Variants in KCNK10 observed in about 807,000 individuals in gnomAD.
KCNK10 encodes the protein potassium channel subfamily K member 10.
A neutral mutation model predicts 47.7 loss-of-function variants in KCNK10; 25 were observed. The ratio of observed to expected loss-of-function variants is 0.52; its 90% CI spans 0.38 to 0.73. The LOEUF is 0.73. Among genes scored for constraint, KCNK10 ranks in the 30% least tolerant of loss-of-function variants. The pLI, the probability that KCNK10 is intolerant of heterozygous loss-of-function variation, is 0.00. For missense variants in KCNK10, 563 were observed against 714.5 expected, an observed-to-expected ratio of 0.79 and a Z score of 2.42; for synonymous variants, 303 against 285.6, an observed-to-expected ratio of 1.06 and a Z score of -0.61.
Position 88,186,412 on chromosome 14 carries a change from G to A in KCNK10, c.1012-257C>T, listed in dbSNP as rs1884563330. 6.6e-6 allele frequency among the ~76,000 whole-genome samples: 1 copy of A among 152,160 alleles called. No individual in the cohort carries two copies. The highest frequency in any genetic ancestry group is 1.9e-4 in the East Asian group (1 of 5,176). ...CCAAGAAGCCTCAGATTTGGAGATG[G>A]TGACTTAAAGAGAGGGGGACGGCAT... On this transcript the variant is annotated intron_variant, in intron 6 of 6. Coordinates refer to ENST00000319231, the MANE Select transcript of KCNK10 (RefSeq NM_138317.3). This position sits in a 1 kb window ranked among gnomAD's most constrained non-coding sequence, Gnocchi z 5.5.
rs562901089 is a variant in KCNK10, at chr14:88,267,464, G to A, written c.53-3913C>T. The stretch of plus-strand genomic sequence containing the variant: ...CGGCTCACTGCAACCTCCACCTCCC[G>A]GGTTCAAGCTACTCTCCTGCCTCAG... On this transcript the variant is annotated intron_variant, in intron 1 of 6. Coordinates refer to ENST00000319231, the MANE Select transcript of KCNK10 (RefSeq NM_138317.3). 1.6e-3 allele frequency among the ~76,000 whole-genome samples: 237 copies of A among 151,242 alleles called. 1 individual carries two copies. Among genetic ancestry groups the A allele is most frequent in the African/African-American group, 5.5e-3 (228 of 41,182 alleles).
rs1469883171 is a variant in KCNK10, at chr14:88,183,337, A to G, written c.*2198T>C. On this transcript the variant is annotated 3_prime_UTR_variant, in exon 7 of 7. Transcript: ENST00000319231. ...GATAAATGAGAGGGAAGCCTCTGCCAGATTTGGCCGTAGGGCCTGGAATTT... is the reference window on the plus strand; with the variant it reads ...GATAAATGAGAGGGAAGCCTCTGCCGGATTTGGCCGTAGGGCCTGGAATTT... 2 of 152,380 alleles carry G rather than the reference A, an allele frequency of 1.3e-5. No individual in the cohort carries two copies. Among genetic ancestry groups the G allele is most frequent in the African/African-American group, 4.8e-5 (2 of 41,476 alleles). The allele number at this position is 152,380 out of a possible 1,614,324, so 9.4% of individuals were successfully genotyped here.
At chr14:88,196,180 T>C (rs759002978) in intron 4 of KCNK10, among the ~76,000 whole-genome samples, 17 of 152,214 alleles carry the variant, frequency 1.1e-4, no homozygotes, top group Admixed American at 2.6e-4. Flanking sequence ...CCGTATCTGA[T>C]TGATACAAAC....
chr14:88,223,712 T>C (rs1035902116), intron 4 of KCNK10, among the ~76,000 whole-genome samples: 1 of 152,198 alleles, frequency 6.6e-6, no homozygotes, highest in African/African-American at 2.4e-5. Flanking sequence ...GCGTTTTTGT[T>C]TGTTTGTTTG....
chr14:88,237,170 G>T (rs937080841), intron 3 of KCNK10, among the ~76,000 whole-genome samples: 5 of 152,178 alleles, frequency 3.3e-5, no homozygotes, highest in Non-Finnish European at 7.3e-5. Flanking sequence ...TACCAGGCAG[G>T]AGCAGATTCC....
intron 3 of KCNK10, among the ~76,000 whole-genome samples, chr14:88,232,986 C>T (rs536482881): frequency 1.3e-5 from 2 of 152,314 alleles, no homozygotes; most frequent in African/African-American, 2.4e-5. Flanking sequence ...AAGATGATGA[C>T]AGATGGCAGC....
intron 1 of KCNK10, among the ~76,000 whole-genome samples, chr14:88,267,604 T>C (rs564100783): frequency 6.6e-6 from 1 of 152,260 alleles, no homozygotes; most frequent in South Asian, 2.1e-4. Context: ...GCTCCTGACC[T>C]CAGGTGATCT....
intron 1 of KCNK10, chr14:88,270,624 T>C (rs565335742): frequency 2.6e-6 from 2 of 758,758 alleles, no homozygotes; most frequent in South Asian, 1.4e-5. Flanking sequence ...TATGGAGCCA[T>C]GAGAAGAGGA....
Position 88,186,375 on chromosome 14 carries a change from T to C in KCNK10, c.1012-220A>G, listed in dbSNP as rs1175405566. 6.6e-6 allele frequency among the ~76,000 whole-genome samples: 1 copy of C among 152,162 alleles called. No homozygotes were observed. The highest frequency in any genetic ancestry group is 1.9e-4 in the East Asian group (1 of 5,152). On this transcript the variant is annotated intron_variant, in intron 6 of 6. Transcript: ENST00000319231. This position sits in a 1 kb window ranked among gnomAD's most constrained non-coding sequence, Gnocchi z 5.5. The stretch of plus-strand genomic sequence containing the variant: ...ATAAGGTGGCTCAGGGAGACACACG[T>C]GGTGGGCAACCCCAAGAAGCCTCAG...
intron 2 of KCNK10, among the ~76,000 whole-genome samples, chr14:88,255,101 C>T (rs1348015594): frequency 6.6e-6 from 1 of 152,148 alleles, no homozygotes; most frequent in Non-Finnish European, 1.5e-5. Flanking sequence ...ACACAATATT[C>T]CCCACGTGGA....
chr14:88,190,749 C>T (rs369945337), intron 5 of KCNK10, among the ~76,000 whole-genome samples: 11 of 152,210 alleles, frequency 7.2e-5, no homozygotes, highest in Middle Eastern at 3.4e-3. Context: ...CTTTGTCTGC[C>T]CAATTGGAAG....
In KCNK10 at chr14:88,263,510, C is replaced by A; in HGVS notation, c.94G>T (p.Ala32Ser). The change falls in exon 2 of 7, where the codon GCC (alanine) becomes TCC (serine). Residue 32 changes from alanine to serine, a missense_variant. Coordinates refer to ENST00000319231, the MANE Select transcript of KCNK10 (RefSeq NM_138317.3). ...GGAGCCGGGGGTTGCCCGTTAGTGG[C>A]GCTCTTGGGCTGGCACACCGGTGCT... ...AAAPVCQPKS[A>S]TNGQPPAPAP... is the part of the protein sequence containing the mutation. The A allele has an allele frequency of 1.2e-6, 2 of 1,613,052 alleles. No homozygotes were observed. The highest frequency in any genetic ancestry group is 1.7e-6 in the Non-Finnish European group (2 of 1,179,970).
At chr14:88,195,199 G>A (rs1171609927) in intron 4 of KCNK10, among the ~76,000 whole-genome samples, 4 of 152,062 alleles carry the variant, frequency 2.6e-5, no homozygotes, top group Non-Finnish European at 5.9e-5. Flanking sequence ...CAGAGTCTAG[G>A]GAAAGACTGC....
chr14:88,270,972 A>C, intron 1 of KCNK10: 2 of 637,422 alleles, frequency 3.1e-6, no homozygotes, highest in Non-Finnish European at 5.6e-6. Context: ...ACCCACTGCC[A>C]CGCCCCCACA....
chr14:88,311,682 A>G (rs4608271), intron 1 of KCNK10, among the ~76,000 whole-genome samples: 28,514 of 152,118 alleles, frequency 0.19, 2,911 homozygotes, highest in East Asian at 0.28. Flanking sequence ...TAAAAATGGA[A>G]AAGCGGAAGA....
At chr14:88,208,868 C>T (rs1011010342) in intron 4 of KCNK10, among the ~76,000 whole-genome samples, 1 of 152,006 alleles carries the variant, frequency 6.6e-6, no homozygotes, top group Non-Finnish European at 1.5e-5. Flanking sequence ...TGTGACTACT[C>T]GGGAGTGAGA....
intron 3 of KCNK10, 82 bp from the exon 4 acceptor site, chr14:88,227,617 T>G: frequency 3.0e-6 from 4 of 1,320,084 alleles, no homozygotes; most frequent in Non-Finnish European, 4.2e-6. Flanking sequence ...TTTTAAAAGT[T>G]TGTACATTCC....
At chr14:88,287,543 T>A (rs1269729073) in intron 1 of KCNK10, among the ~76,000 whole-genome samples, 1 of 152,178 alleles carries the variant, frequency 6.6e-6, no homozygotes, top group Non-Finnish European at 1.5e-5. Context: ...CTCCCACTTA[T>A]AAGTAAGAAC....
At chr14:88,246,381 G>A (rs1211790591) in intron 2 of KCNK10, among the ~76,000 whole-genome samples, 1 of 151,730 alleles carries the variant, frequency 6.6e-6, no homozygotes, top group Non-Finnish European at 1.5e-5. Context: ...ACTCAAAAAT[G>A]CCCCTAATGA....
Sources: gnomAD v4.1 joint callset for allele counts (sites outside exome capture counted in the v4.1 genomes callset) on GRCh38, gnomAD v4.1.1 for gene constraint, Gnocchi (gnomAD v3.1) non-coding constraint, MANE v1.5 for transcripts, NCBI Gene and HGNC (gene_info 2026-07-23, HGNC 2026-07-21) for gene names.